PPARGC1A: variants seen among roughly 807,000 people sequenced by gnomAD.
The protein encoded by PPARGC1A is peroxisome proliferator-activated receptor gamma coactivator 1-alpha.
Under a neutral mutation model 88.7 loss-of-function variants are expected in PPARGC1A, and 25 were observed. That is an observed-to-expected ratio of 0.28 (90% CI 0.21 to 0.39). The LOEUF is 0.39. Ranked by LOEUF, PPARGC1A falls within the 10% of genes least tolerant of loss-of-function variation. PPARGC1A has a pLI of 1.00. For missense variants in PPARGC1A, 880 were observed against 968.7 expected (o/e 0.91, Z 1.22); for synonymous variants, 363 against 355.6 (o/e 1.02, Z -0.24).
At chr4:23,846,341 C>T (rs1479743212) in intron 2 of PPARGC1A, among the ~76,000 whole-genome samples, 1 of 152,130 alleles carries the variant, frequency 6.6e-6, no homozygotes, top group East Asian at 1.9e-4. Flanking sequence ...TTCTCAATGT[C>T]CTCTGGTAAC....
the PPARGC1A span, among the ~76,000 whole-genome samples, chr4:24,229,031 G>A: frequency 5.3e-5 from 8 of 152,000 alleles, no homozygotes; most frequent in South Asian, 4.2e-4. Flanking sequence ...TGTAACTAAC[G>A]ATTCTCAACC....
the PPARGC1A span, among the ~76,000 whole-genome samples, chr4:24,357,430 A>G: frequency 6.6e-6 from 1 of 152,230 alleles, no homozygotes; most frequent in Non-Finnish European, 1.5e-5. Flanking sequence ...TAATCAAAGC[A>G]TTCAAGTAAT....
the PPARGC1A span, among the ~76,000 whole-genome samples, chr4:24,023,870 G>A: frequency 3.9e-5 from 6 of 152,160 alleles, no homozygotes; most frequent in African/African-American, 1.4e-4. Flanking sequence ...ATCAGAGAAG[G>A]TGGTATCCCT....
At chr4:23,967,101 C>T in the PPARGC1A span, among the ~76,000 whole-genome samples, 1 of 152,138 alleles carries the variant, frequency 6.6e-6, no homozygotes, top group Non-Finnish European at 1.5e-5. Context: ...TCTAATGAAT[C>T]CTATAGCACC....
the PPARGC1A span, among the ~76,000 whole-genome samples, chr4:24,283,315 A>G: frequency 2.0e-5 from 3 of 152,120 alleles, no homozygotes; most frequent in Non-Finnish European, 2.9e-5. Context: ...TGCACCACCA[A>G]CTAGCCATGC....
chr4:23,973,973 A>T, the PPARGC1A span, among the ~76,000 whole-genome samples: 1 of 151,832 alleles, frequency 6.6e-6, no homozygotes, highest in South Asian at 2.1e-4. Flanking sequence ...AAAAATAATT[A>T]AAAATAAATA....
intron 2 of PPARGC1A, among the ~76,000 whole-genome samples, chr4:23,845,871 C>G (rs1027668233): frequency 5.3e-5 from 8 of 152,182 alleles, no homozygotes; most frequent in Non-Finnish European, 1.2e-4. Context: ...TACTGAGCTT[C>G]TTTTAATGCC....
the PPARGC1A span, among the ~76,000 whole-genome samples, chr4:24,027,215 GTGTCTGTGTGTCTGTGTGTGTC>G: frequency 4.7e-5 from 7 of 149,554 alleles, no homozygotes; most frequent in African/African-American, 1.5e-4. Flanking sequence ...GTGTGTGTGT[GTGTCTGTGTGTCTGTGTGTGTC>G]TGTGTGTGTG....
At chr4:23,797,254 C>T (rs1276985869) in intron 12 of PPARGC1A, among the ~76,000 whole-genome samples, 2 of 152,080 alleles carry the variant, frequency 1.3e-5, no homozygotes, top group African/African-American at 2.4e-5. Flanking sequence ...TCTTAAATTA[C>T]ACTGGCTTCA....
chr4:24,071,043 C>G, the PPARGC1A span, among the ~76,000 whole-genome samples: 4 of 152,284 alleles, frequency 2.6e-5, no homozygotes, highest in African/African-American at 9.6e-5. Context: ...GTGAAACTAA[C>G]CTAACATGAC....
the PPARGC1A span, among the ~76,000 whole-genome samples, chr4:24,338,611 C>A: frequency 2.6e-5 from 4 of 152,080 alleles, no homozygotes; most frequent in Non-Finnish European, 4.4e-5. Context: ...GGATACCAAC[C>A]CCCGTTTCAA....
At chr4:24,454,136 C>A in the PPARGC1A span, among the ~76,000 whole-genome samples, 5 of 151,628 alleles carry the variant, frequency 3.3e-5, no homozygotes, top group African/African-American at 1.2e-4. Flanking sequence ...ATTCCCCAGC[C>A]AGCAGTCAGC....
chr4:24,331,767 T>TTATATATATATA, the PPARGC1A span, among the ~76,000 whole-genome samples: 8 of 143,616 alleles, frequency 5.6e-5, no homozygotes, highest in African/African-American at 1.8e-4. Flanking sequence ...TGTGTTTATT[T>TTATATATATATA]TATATATATA....
At chr4:24,250,455 C>T in the PPARGC1A span, among the ~76,000 whole-genome samples, 1 of 152,156 alleles carries the variant, frequency 6.6e-6, no homozygotes, top group Non-Finnish European at 1.5e-5. Context: ...CAGGTGTCAT[C>T]CTGAAAAACT....
upstream of PPARGC1A, among the ~76,000 whole-genome samples, chr4:23,902,660 G>A (rs1301746140): frequency 6.6e-6 from 1 of 152,090 alleles, no homozygotes; most frequent in Non-Finnish European, 1.5e-5. Context: ...AGTATGCAAA[G>A]TCTGAGATAT....
At chr4:24,330,293 G>A in the PPARGC1A span, among the ~76,000 whole-genome samples, 10 of 152,116 alleles carry the variant, frequency 6.6e-5, no homozygotes, top group Non-Finnish European at 1.5e-4. Flanking sequence ...TTTCTGTGTC[G>A]GAATGGTCAC....
upstream of PPARGC1A, among the ~76,000 whole-genome samples, chr4:23,894,462 G>GA (rs951925615): frequency 2.6e-5 from 4 of 151,780 alleles, no homozygotes; most frequent in South Asian, 4.2e-4. Context: ...CATTTTGCTT[G>GA]AAAAAAATGC....
chr4:24,187,095 C>G, the PPARGC1A span, among the ~76,000 whole-genome samples: 1 of 152,174 alleles, frequency 6.6e-6, no homozygotes, highest in Non-Finnish European at 1.5e-5. Context: ...GTACTAGTCC[C>G]CTTTGCCTAT....
At chr4:24,327,783 ATTTTG>A in the PPARGC1A span, among the ~76,000 whole-genome samples, 33 of 151,968 alleles carry the variant, frequency 2.2e-4, no homozygotes, top group East Asian at 9.7e-4. Flanking sequence ...CTTCAACACT[ATTTTG>A]TTTTATTTTT....
Sources: allele counts gnomAD v4.1 joint callset (sites outside exome capture counted in the v4.1 genomes callset), GRCh38; gene constraint gnomAD v4.1.1; transcripts MANE v1.5; gene names NCBI Gene and HGNC (gene_info 2026-07-23, HGNC 2026-07-21).